The following MRPL13 variants were observed in gnomAD, a reference collection of about 807,000 sequenced individuals.
The protein encoded by MRPL13 is mitochondrial ribosomal protein L13.
MRPL13 carries 33 observed loss-of-function variants against 29.0 expected under a neutral mutation model. The ratio of observed to expected loss-of-function variants is 1.14; its 90% confidence interval spans 0.86 to 1.52. The LOEUF is 1.52. Ranked by LOEUF, MRPL13 falls within the 40% of genes most tolerant of loss-of-function variation. The pLI, the probability that MRPL13 is intolerant of heterozygous loss-of-function variation, is 0.00. For synonymous variants in MRPL13, 77 were observed against 68.4 expected (o/e 1.13, Z -0.62); for missense variants, 227 against 216.7 (o/e 1.05, Z -0.30).
At chr8:120,404,835 T>G (rs1052667811) in intron 6 of MRPL13, among the ~76,000 whole-genome samples, 12 of 152,156 alleles carry the variant, frequency 7.9e-5, no homozygotes, top group Admixed American at 6.5e-4. Flanking sequence ...GTAAACAATT[T>G]GACTCCGGTG....
chr8:120,396,089 G>A lies in MRPL13; in HGVS notation c.*15C>T, dbSNP rs1158968804. 3.8e-6 allele frequency: 6 copies of A among 1,579,924 alleles called. No homozygotes were observed. Among genetic ancestry groups the A allele is most frequent in the Admixed American group, 1.8e-5 (1 of 56,676 alleles). ...TTCAATCACTTCACTGTTATTTTCT[G>A]CAATTCTTATTCTCTTATAGCCGAT... On this transcript the variant is annotated 3_prime_UTR_variant, in exon 7 of 7. Transcript: ENST00000306185.
At chr8:120,419,310 T>C (rs1812841400) in intron 5 of MRPL13, among the ~76,000 whole-genome samples, 1 of 151,874 alleles carries the variant, frequency 6.6e-6, no homozygotes, top group South Asian at 2.1e-4. Flanking sequence ...TTACATCATA[T>C]TAAGGAGAAA....
chr8:120,419,711 TATTC>T (rs1812845669), intron 5 of MRPL13, 137 bp downstream of exon 5: 1 of 534,538 alleles, frequency 1.9e-6, no homozygotes, highest in Admixed American at 3.8e-5. Flanking sequence ...TATACATACA[TATTC>T]ATTTAAAAAT....
At position 120,414,019 on chromosome 8, in the gene MRPL13, T is replaced by C. The variant is rs142198818; in HGVS notation, c.487A>G (p.Ile163Val). Residue 163 changes from isoleucine (I) to valine (V), a missense_variant, in exon 6 of 7, where the codon ATA (isoleucine) becomes GTA (valine). Ile to Val is a conservative substitution (Grantham distance 29). Transcript: ENST00000306185. ...GTCCACAATCTTGGGAAGGCGTCTA[T>C]TTCTTCTTGTGTGTACTCATCTAGA... ...KRLDEYTQEE[I>V]DAFPRLWTPP... 603 of 1,570,254 alleles carry C rather than the reference T, an allele frequency of 3.8e-4. 1 individual carries two copies. The African/African-American group carries it at 7.0e-3, about 18-fold the overall frequency.
intron 6 of MRPL13, among the ~76,000 whole-genome samples, chr8:120,409,614 C>T (rs1812718641): frequency 6.6e-6 from 1 of 152,044 alleles, no homozygotes; most frequent in Admixed American, 6.6e-5. Context: ...ACCATTTGCA[C>T]ATTGCAAATA....
intron 1 of MRPL13, among the ~76,000 whole-genome samples, chr8:120,443,617 CTT>C (rs80023422): frequency 6.6e-5 from 9 of 137,170 alleles, no homozygotes; most frequent in Admixed American, 7.3e-5. Context: ...TACGGTATGA[CTT>C]TTTTTTTTTT....
intron 3 of MRPL13, among the ~76,000 whole-genome samples, chr8:120,427,868 T>C (rs1300551094): frequency 1.3e-5 from 2 of 151,876 alleles, no homozygotes; most frequent in East Asian, 3.9e-4. Context: ...CACTCCATGC[T>C]CATGGATAGG....
chr8:120,411,043 C>A (rs1418019690), intron 6 of MRPL13, among the ~76,000 whole-genome samples: 1 of 151,548 alleles, frequency 6.6e-6, no homozygotes, highest in Admixed American at 6.6e-5. Context: ...TTCCCTCTCC[C>A]TCTCCTCCCT....
At chr8:120,438,324 G>A (rs1476670577) in intron 2 of MRPL13, among the ~76,000 whole-genome samples, 2 of 152,204 alleles carry the variant, frequency 1.3e-5, no homozygotes, top group Non-Finnish European at 2.9e-5. Context: ...CTGGATGGCA[G>A]AGTAAGACCC....
chr8:120,420,516 T>G (rs560946565), intron 4 of MRPL13, among the ~76,000 whole-genome samples: 1 of 148,304 alleles, frequency 6.7e-6, no homozygotes, highest in Non-Finnish European at 1.5e-5. Flanking sequence ...TATATTTATG[T>G]TGTTAAAATT....
intron 2 of MRPL13, among the ~76,000 whole-genome samples, chr8:120,435,557 A>G (rs915699761): frequency 2.0e-5 from 3 of 152,056 alleles, no homozygotes; most frequent in Non-Finnish European, 4.4e-5. Flanking sequence ...TAATGGCTCT[A>G]CAGTATTCTA....
intron 3 of MRPL13, among the ~76,000 whole-genome samples, chr8:120,426,824 G>GA (rs1812936388): frequency 6.6e-6 from 1 of 152,030 alleles, no homozygotes. Flanking sequence ...TGGAACTGGG[G>GA]ACACACAGAT....
chr8:120,412,398 CTT>C (rs898435552), intron 6 of MRPL13, among the ~76,000 whole-genome samples: 5 of 152,162 alleles, frequency 3.3e-5, no homozygotes, highest in Admixed American at 2.0e-4. Flanking sequence ...CTATTAAAAA[CTT>C]AGTCAACACT....
intron 2 of MRPL13, among the ~76,000 whole-genome samples, chr8:120,440,597 T>A (rs1321751250): frequency 2.6e-5 from 3 of 113,222 alleles, no homozygotes; most frequent in Non-Finnish European, 3.3e-5. Context: ...AAAGTGAGAC[T>A]CTCTCTCTCT....
At chr8:120,442,076 A>G (rs553406990) in intron 2 of MRPL13, among the ~76,000 whole-genome samples, 67 of 152,352 alleles carry the variant, frequency 4.4e-4, no homozygotes, top group African/African-American at 1.4e-3. Flanking sequence ...TTCACAGGAC[A>G]GGAAGCTGTA....
chr8:120,444,915 G>C (rs549661957), intron 1 of MRPL13, 153 bp downstream of exon 1: 1 of 879,214 alleles, frequency 1.1e-6, no homozygotes, highest in African/African-American at 1.7e-5. Context: ...GTGCTTGCCA[G>C]ACTGACGACC....
At chr8:120,397,030 T>C (rs1812532225) in intron 6 of MRPL13, among the ~76,000 whole-genome samples, 1 of 152,144 alleles carries the variant, frequency 6.6e-6, no homozygotes, top group Admixed American at 6.6e-5. Context: ...GAAATCAGGA[T>C]GGAGTGACTG....
chr8:120,410,821 A>T (rs907892465), intron 6 of MRPL13, among the ~76,000 whole-genome samples: 1 of 150,462 alleles, frequency 6.6e-6, no homozygotes, highest in South Asian at 2.1e-4. Context: ...TGCTCTTGTC[A>T]CGCAGGCTGG....
intron 6 of MRPL13, among the ~76,000 whole-genome samples, chr8:120,413,012 A>G (rs1249465007): frequency 1.3e-5 from 2 of 152,228 alleles, no homozygotes; most frequent in African/African-American, 2.4e-5. Context: ...GCACACAATA[A>G]ATGCTTTATT....
Sources: allele counts gnomAD v4.1 joint callset (sites outside exome capture counted in the v4.1 genomes callset), GRCh38; gene constraint gnomAD v4.1.1; transcripts MANE v1.5; gene names NCBI Gene and HGNC (gene_info 2026-07-23, HGNC 2026-07-21).